COL4A1: variants seen among roughly 807,000 people sequenced by gnomAD.
COL4A1 encodes collagen type IV alpha 1 chain.
In COL4A1, 40 loss-of-function variants were observed where a neutral mutation model predicts 216.6. That is an observed-to-expected ratio of 0.18 (90% confidence interval 0.14 to 0.24). The LOEUF is 0.24. Ranked by LOEUF, COL4A1 falls within the 10% of genes least tolerant of loss-of-function variation. The probability of loss-of-function intolerance (pLI) is 1.00; values close to 1 mark genes in which losing one functional copy is unlikely to be tolerated. For missense variants in COL4A1, 1,628 were observed against 2,196.8 expected, an observed-to-expected ratio of 0.74 and a Z score of 5.18; for synonymous variants, 839 against 810.7, an observed-to-expected ratio of 1.03 and a Z score of -0.59.
In COL4A1 at chr13:110,210,179, C is replaced by G; in HGVS notation, c.502G>C (p.Gly168Arg). ...DPGEILGHVP[G>R]MLLKGERGFP... ...CCTCTTTCACCTTTCAACAGCATCCCGGGCACATGGCCAAGTATCTCACCT... is the reference window on the plus strand; with the variant it reads ...CCTCTTTCACCTTTCAACAGCATCCGGGGCACATGGCCAAGTATCTCACCT... Residue 168 changes from glycine to arginine, a missense_variant, in exon 9 of 52, where the codon GGG becomes CGG. By Grantham distance (125) the Gly-to-Arg change is moderately radical (BLOSUM62 -2). Around this residue, in one of 8 missense-constraint regions of COL4A1, gnomAD observed 150 missense variants for 211.9 expected, o/e 0.71. Transcript: ENST00000375820. The G allele has an allele frequency of 6.2e-7, 1 of 1,613,836 alleles. No individual in the cohort carries two copies. Among genetic ancestry groups the G allele is most frequent in the South Asian group, 1.1e-5 (1 of 91,072 alleles).
intron 2 of COL4A1, among the ~76,000 whole-genome samples, chr13:110,235,446 C>T (rs1012485683): frequency 2.6e-5 from 4 of 151,992 alleles, no homozygotes; most frequent in Non-Finnish European, 4.4e-5. Context: ...GTCAGGAGAT[C>T]GAGACCTTCC....
intron 1 of COL4A1, among the ~76,000 whole-genome samples, chr13:110,285,402 T>G (rs1386985955): frequency 3.9e-5 from 6 of 152,176 alleles, no homozygotes; most frequent in Non-Finnish European, 7.3e-5. Context: ...CCTTACACAT[T>G]TAGGAACAGC....
chr13:110,242,547 G>T, intron 2 of COL4A1, 128 bp downstream of exon 2: 1 of 1,051,894 alleles, frequency 9.5e-7, no homozygotes, highest in Non-Finnish European at 1.5e-6. Context: ...CATTTGTATT[G>T]CTCTGGGGAA....
At chr13:110,158,459 C>A (rs1876898662) in intron 49 of COL4A1, among the ~76,000 whole-genome samples, 1 of 152,200 alleles carries the variant, frequency 6.6e-6, no homozygotes, top group Non-Finnish European at 1.5e-5. Context: ...GCTAAAGGCA[C>A]AGCCTGGGGC....
chr13:110,187,695 T>C (rs929173259), intron 24 of COL4A1, among the ~76,000 whole-genome samples: 24 of 152,148 alleles, frequency 1.6e-4, no homozygotes, highest in African/African-American at 5.6e-4. Flanking sequence ...TTCTGATTGA[T>C]GTGTGGTTCA....
chr13:110,261,894 G>A (rs535903980), intron 1 of COL4A1, among the ~76,000 whole-genome samples: 1 of 152,368 alleles, frequency 6.6e-6, no homozygotes, highest in African/African-American at 2.4e-5. Context: ...CCCGGTGACA[G>A]TGAGTGACTC....
At chr13:110,242,768 A>G (rs758902520) in intron 1 of COL4A1, 34 bp from the exon 2 acceptor site, 13 of 1,610,526 alleles carry the variant, frequency 8.1e-6, no homozygotes, top group African/African-American at 1.3e-5. Context: ...TAAATAGAAG[A>G]ACACTTTCAA....
intron 1 of COL4A1, among the ~76,000 whole-genome samples, chr13:110,253,489 T>C (rs5026044): frequency 0.79 from 49,175 of 62,142 alleles, 18,867 homozygotes; most frequent in East Asian, 0.92. Context: ...ATATGTATTA[T>C]ATATACATAT....
chr13:110,215,323 A>ATC (rs1880016549), intron 2 of COL4A1, among the ~76,000 whole-genome samples: 1 of 152,064 alleles, frequency 6.6e-6, no homozygotes, highest in South Asian at 2.1e-4. Flanking sequence ...ACTTTGGGAG[A>ATC]TAGAGGCGGG....
intron 1 of COL4A1, among the ~76,000 whole-genome samples, chr13:110,292,102 G>A (rs969509871): frequency 1.3e-5 from 2 of 152,298 alleles, no homozygotes; most frequent in Admixed American, 6.5e-5. Context: ...CCTGCATCCT[G>A]CCTGCCGCTG....
chr13:110,181,857 G>A (rs1283651187), intron 28 of COL4A1, among the ~76,000 whole-genome samples: 1 of 152,204 alleles, frequency 6.6e-6, no homozygotes, highest in African/African-American at 2.4e-5. Flanking sequence ...CCTGCCCACT[G>A]TCTGGGCCCC....
At chr13:110,285,983 A>C (rs1342468618) in intron 1 of COL4A1, among the ~76,000 whole-genome samples, 2 of 152,198 alleles carry the variant, frequency 1.3e-5, no homozygotes, top group Non-Finnish European at 2.9e-5. Context: ...CCCTCTGGAA[A>C]TGGGACCCCG....
chr13:110,183,352 G>T, intron 26 of COL4A1, 76 bp from the exon 27 acceptor site: 1 of 1,411,336 alleles, frequency 7.1e-7, no homozygotes, highest in Non-Finnish European at 9.8e-7. Flanking sequence ...CACGCAGTGG[G>T]TGGGCTGCAC....
intron 30 of COL4A1, 114 bp downstream of exon 30, chr13:110,179,157 T>C: frequency 6.4e-7 from 1 of 1,561,288 alleles, no homozygotes; most frequent in Non-Finnish European, 8.8e-7. Context: ...CCTCTAAGAT[T>C]TGCATCGTTC....
intron 31 of COL4A1, 150 bp from the exon 32 acceptor site, chr13:110,178,381 G>A (rs1324525726): frequency 2.1e-6 from 2 of 937,518 alleles, no homozygotes; most frequent in African/African-American, 1.6e-5. Flanking sequence ...AGGTGTTGGT[G>A]TTTGGGGTCA....
intron 18 of COL4A1, 123 bp downstream of exon 18, chr13:110,203,443 T>C: frequency 1.9e-6 from 2 of 1,072,466 alleles, no homozygotes; most frequent in Non-Finnish European, 1.4e-6. Flanking sequence ...CTCTCCTTCC[T>C]CTCCCAGCGC....
intron 21 of COL4A1, among the ~76,000 whole-genome samples, chr13:110,197,162 C>G (rs1218837143): frequency 1.3e-5 from 2 of 151,974 alleles, no homozygotes; most frequent in Non-Finnish European, 2.9e-5. Flanking sequence ...TCCCTCACCC[C>G]CTTCATGTCT....
At chr13:110,284,829 G>A (rs1197400295) in intron 1 of COL4A1, among the ~76,000 whole-genome samples, 1 of 152,222 alleles carries the variant, frequency 6.6e-6, no homozygotes, top group Non-Finnish European at 1.5e-5. Flanking sequence ...CTTGACTGTA[G>A]CTAATACTTT....
At chr13:110,265,918 A>G (rs1016954584) in intron 1 of COL4A1, 4 of 151,666 alleles carry the variant, frequency 2.6e-5, no homozygotes, top group African/African-American at 9.7e-5. Context: ...ATCTCCCCAG[A>G]CTCCACCATG....
Sources: allele counts gnomAD v4.1 joint callset (sites outside exome capture counted in the v4.1 genomes callset), GRCh38; gene constraint gnomAD v4.1.1; regional missense constraint gnomAD v4.1.1; transcripts MANE v1.5; gene names NCBI Gene and HGNC (gene_info 2026-07-23, HGNC 2026-07-21).